The following FRYL variants were observed in gnomAD, a reference collection of about 807,000 sequenced individuals.
FRYL encodes FRY like transcription coactivator, also known as protein furry homolog-like.
A neutral mutation model predicts 351.2 loss-of-function variants in FRYL; 150 were observed. The ratio of observed to expected loss-of-function variants is 0.43; its 90% CI spans 0.37 to 0.49. The LOEUF is 0.49. Ranked by LOEUF, FRYL falls within the 20% of genes least tolerant of loss-of-function variation. The probability of loss-of-function intolerance (pLI) is 0.00; values close to 1 mark genes in which losing one functional copy is unlikely to be tolerated. For missense variants in FRYL, 3,036 were observed against 3,619.3 expected, an observed-to-expected ratio of 0.84 and a Z score of 4.13; for synonymous variants, 1,153 against 1,257.1, an observed-to-expected ratio of 0.92 and a Z score of 1.75.
At chr4:48,638,233 T>C (rs1177684774) in intron 3 of FRYL, 2 of 152,152 alleles carry the variant, frequency 1.3e-5, no homozygotes, top group East Asian at 3.8e-4. Context: ...CATAGATTTA[T>C]ATAACAGAAA....
At chr4:48,543,679 C>A in intron 44 of FRYL, 128 bp downstream of exon 44, 1 of 732,682 alleles carries the variant, frequency 1.4e-6, no homozygotes. Flanking sequence ...TAATTCTTTG[C>A]CTGCTCAACA....
intron 2 of FRYL, among the ~76,000 whole-genome samples, chr4:48,688,165 T>C (rs967438890): frequency 2.6e-5 from 4 of 152,214 alleles, no homozygotes; most frequent in South Asian, 2.1e-4. Flanking sequence ...CTTTAAGATA[T>C]GGAATCTATG....
chr4:48,684,190 A>C (rs994075673), intron 3 of FRYL, among the ~76,000 whole-genome samples: 8 of 152,170 alleles, frequency 5.3e-5, no homozygotes, highest in African/African-American at 1.9e-4. Flanking sequence ...TTCTCTAATG[A>C]TCTGTGCAAG....
intron 3 of FRYL, among the ~76,000 whole-genome samples, chr4:48,676,087 G>A (rs916149959): frequency 1.3e-5 from 2 of 152,126 alleles, no homozygotes; most frequent in African/African-American, 4.8e-5. Flanking sequence ...TCAACACGGT[G>A]TCAAAACAGG....
chr4:48,546,330 A>G (rs1731323491), intron 41 of FRYL, 59 bp from the exon 42 acceptor site: 13 of 1,323,904 alleles, frequency 9.8e-6, no homozygotes, highest in Admixed American at 1.8e-5. Flanking sequence ...CAAAATACCT[A>G]TAGAATTAAA....
intron 1 of FRYL, among the ~76,000 whole-genome samples, chr4:48,730,755 CT>C (rs1283808605): frequency 1.3e-5 from 2 of 152,182 alleles, no homozygotes; most frequent in Non-Finnish European, 2.9e-5. Flanking sequence ...ATACCAGCCA[CT>C]GCAAAACATG....
In FRYL at chr4:48,531,298, G is replaced by A. The variant is rs200106396; in HGVS notation, c.6761C>T (p.Ala2254Val). The change falls in exon 50 of 64, where the codon GCG (alanine) becomes GTG (valine). Residue 2254 changes from alanine (A) to valine (V), a missense_variant. Transcript: ENST00000358350. Reference sequence around the variant, plus strand: ...GATATCACTGGGTACGACAAGACTCGCAGAGCGTGACACCACCAGCTTTAA... The same window carrying A: ...GATATCACTGGGTACGACAAGACTCACAGAGCGTGACACCACCAGCTTTAA... ...NILKLVVSRS[A>V]SLVVPSDIPK... 6 of 1,613,526 alleles carry A rather than the reference G, an allele frequency of 3.7e-6. No individual in the cohort carries two copies. Among genetic ancestry groups the A allele is most frequent in the East Asian group, 2.2e-5 (1 of 44,856 alleles).
chr4:48,634,407 A>C lies in FRYL; in HGVS notation c.4T>G (p.Ser2Ala), dbSNP rs776416981. 2 of 1,613,282 alleles carry C rather than the reference A, an allele frequency of 1.2e-6. No individual in the cohort carries two copies. The highest frequency in any genetic ancestry group is 1.7e-6 in the Non-Finnish European group (2 of 1,179,372). M[S>A]NITIDPDVKP... ...ACATCTGGGTCAATCGTAATGTTTG[A>C]CATGATGATATTTTTTTTTCCCCAA... is the stretch of plus-strand genomic sequence containing the variant. The change falls in exon 4 of 64, where the codon TCA becomes GCA. Residue 2 changes from serine to alanine, a missense_variant. By Grantham distance (99) the Ser-to-Ala change is moderately conservative. Transcript: ENST00000358350.
At chr4:48,508,018 AAAATT>A (rs1249499942) in intron 59 of FRYL, among the ~76,000 whole-genome samples, 3 of 152,220 alleles carry the variant, frequency 2.0e-5, no homozygotes, top group East Asian at 1.9e-4. Context: ...AATGAATGGG[AAAATT>A]AAATAGGGCA....
intron 26 of FRYL, among the ~76,000 whole-genome samples, chr4:48,572,645 C>G (rs893682338): frequency 6.6e-6 from 1 of 152,092 alleles, no homozygotes; most frequent in African/African-American, 2.4e-5. Context: ...TACTTGAGTG[C>G]GTAATAAATT....
At chr4:48,514,876 T>C in intron 56 of FRYL, 152 bp downstream of exon 56, 1 of 609,646 alleles carries the variant, frequency 1.6e-6, no homozygotes, top group South Asian at 3.2e-5. Context: ...ACGAAGATAG[T>C]ATGATTCTAG....
intron 1 of FRYL, among the ~76,000 whole-genome samples, chr4:48,726,539 A>G (rs183462483): frequency 2.6e-5 from 4 of 152,174 alleles, no homozygotes; most frequent in Admixed American, 2.6e-4. Context: ...AAAATTAGCC[A>G]GGCATGGTGG....
At chr4:48,547,541 A>G (rs759843931) in intron 41 of FRYL, 43 bp downstream of exon 41, 15 of 1,156,708 alleles carry the variant, frequency 1.3e-5, no homozygotes, top group South Asian at 2.3e-5. Flanking sequence ...CCAAATTAAT[A>G]AAGTATAATT....
intron 1 of FRYL, among the ~76,000 whole-genome samples, chr4:48,744,086 GTA>G (rs1447723861): frequency 6.6e-6 from 1 of 152,058 alleles, no homozygotes; most frequent in Non-Finnish European, 1.5e-5. Context: ...GTCAGTAAAT[GTA>G]TTTACTAAGA....
chr4:48,675,999 T>C (rs1285805134), intron 3 of FRYL, among the ~76,000 whole-genome samples: 5 of 152,184 alleles, frequency 3.3e-5, no homozygotes, highest in Admixed American at 1.3e-4. Context: ...AACCTGTGTG[T>C]CCAAACTCTG....
intron 5 of FRYL, among the ~76,000 whole-genome samples, chr4:48,622,876 C>T (rs1328300423): frequency 2.6e-5 from 4 of 151,756 alleles, no homozygotes; most frequent in Non-Finnish European, 5.9e-5. Context: ...AGGGATGTAA[C>T]TGAAAATGAA....
chr4:48,589,461 C>T (rs924213849), intron 18 of FRYL, among the ~76,000 whole-genome samples: 1 of 151,516 alleles, frequency 6.6e-6, no homozygotes. Flanking sequence ...CACATACATC[C>T]GGGGTACCTA....
chr4:48,504,501 G>C (rs1233559187), intron 60 of FRYL, among the ~76,000 whole-genome samples: 1 of 152,038 alleles, frequency 6.6e-6, no homozygotes, highest in African/African-American at 2.4e-5. Flanking sequence ...CAGTGGCAAA[G>C]ACAGACAGAA....
At chr4:48,736,850 GAAAAAAAAAAAAAA>G (rs368006420) in intron 1 of FRYL, among the ~76,000 whole-genome samples, 2 of 40,614 alleles carry the variant, frequency 4.9e-5, no homozygotes, top group African/African-American at 9.8e-5. Context: ...ACTCTGTCTC[GAAAAAAAAAAAAAA>G]AAAAAAGAAA....
Sources: allele counts gnomAD v4.1 joint callset (sites outside exome capture counted in the v4.1 genomes callset), GRCh38; gene constraint gnomAD v4.1.1; transcripts MANE v1.5; gene names NCBI Gene and HGNC (gene_info 2026-07-23, HGNC 2026-07-21).